NSMCE2: variants seen among roughly 807,000 people sequenced by gnomAD.
The protein encoded by NSMCE2 is NSE2 SUMO ligase component of SMC5/6 complex.
Under a neutral mutation model 23.8 loss-of-function variants are expected in NSMCE2, and 24 were observed. That is an observed-to-expected ratio of 1.01 (90% CI 0.73 to 1.42). NSMCE2 has a LOEUF of 1.42. Ranked by LOEUF, NSMCE2 falls within the 40% of genes most tolerant of loss-of-function variation. NSMCE2 has a pLI of 0.00. For synonymous variants in NSMCE2, 92 were observed against 94.1 expected, an observed-to-expected ratio of 0.98 and a Z score of 0.13; for missense variants, 284 against 296.5, an observed-to-expected ratio of 0.96 and a Z score of 0.31.
intron 5 of NSMCE2, among the ~76,000 whole-genome samples, chr8:125,319,903 G>A (rs756249289): frequency 1.2e-3 from 177 of 152,174 alleles, no homozygotes; most frequent in African/African-American, 3.9e-3. Context: ...CTGGCCAGGC[G>A]TGGTGGCTCA....
At chr8:125,105,131 A>G (rs769204290) in intron 3 of NSMCE2, among the ~76,000 whole-genome samples, 1 of 152,070 alleles carries the variant, frequency 6.6e-6, no homozygotes, top group Non-Finnish European at 1.5e-5. Flanking sequence ...CCTTTGTCCT[A>G]CTGTCCCACA....
intron 4 of NSMCE2, chr8:125,156,145 A>G (rs1183672768): frequency 1.8e-5 from 5 of 273,758 alleles, no homozygotes; most frequent in East Asian, 2.7e-4. Context: ...GGTGACCAGT[A>G]TAGTCTCAGA....
At chr8:125,324,532 A>AC (rs1446385355) in intron 5 of NSMCE2, among the ~76,000 whole-genome samples, 1 of 151,362 alleles carries the variant, frequency 6.6e-6, no homozygotes, top group East Asian at 1.9e-4. Context: ...AAAAAAAAAA[A>AC]AAAAGAGCAT....
At chr8:125,222,631 G>A (rs1824915285) in intron 5 of NSMCE2, among the ~76,000 whole-genome samples, 1 of 152,080 alleles carries the variant, frequency 6.6e-6, no homozygotes, top group African/African-American at 2.4e-5. Context: ...TGGTCTTTAT[G>A]TGCCTGGCTT....
rs1275306735 is a variant in NSMCE2, at chr8:125,105,843, A to T, written c.157+3356A>T. Among the ~76,000 whole-genome samples, 4 of 152,186 alleles carry T rather than the reference A, an allele frequency of 2.6e-5. No individual in the cohort carries two copies. In the East Asian group the frequency reaches 7.7e-4, roughly 29 times the overall value. On this transcript the variant is annotated intron_variant, in intron 3 of 7. Transcript: ENST00000287437. ...TCATTAAGTAATTTTTAAAAGAAAG[A>T]TGTATTTATTTTTTAATATTTGGAT... is the stretch of plus-strand genomic sequence containing the variant.
intron 5 of NSMCE2, among the ~76,000 whole-genome samples, chr8:125,345,304 G>A (rs1218127648): frequency 7.2e-5 from 11 of 152,162 alleles, no homozygotes; most frequent in Non-Finnish European, 1.3e-4. Flanking sequence ...TGACCTACAC[G>A]GTATAATGTG....
At chr8:125,195,640 C>T (rs1168397431) in intron 5 of NSMCE2, among the ~76,000 whole-genome samples, 2 of 152,096 alleles carry the variant, frequency 1.3e-5, no homozygotes, top group Non-Finnish European at 2.9e-5. Context: ...GGGAATATGG[C>T]AGTGAACAAA....
intron 5 of NSMCE2, among the ~76,000 whole-genome samples, chr8:125,315,844 C>T (rs925841310): frequency 1.3e-5 from 2 of 152,018 alleles, no homozygotes; most frequent in East Asian, 1.9e-4. Context: ...ACTCCGTCAC[C>T]CAGGCTGTTG....
intron 5 of NSMCE2, among the ~76,000 whole-genome samples, chr8:125,214,934 C>G (rs1452948472): frequency 6.6e-6 from 1 of 152,138 alleles, no homozygotes; most frequent in Admixed American, 6.6e-5. Flanking sequence ...ACCTCCAGAA[C>G]TTTTTCAGTA....
At chr8:125,274,973 G>A (rs1827386375) in intron 5 of NSMCE2, among the ~76,000 whole-genome samples, 1 of 141,898 alleles carries the variant, frequency 7.0e-6, no homozygotes, top group African/African-American at 2.6e-5. Flanking sequence ...GAGTAGTCTT[G>A]CAATTTTTCA....
intron 5 of NSMCE2, among the ~76,000 whole-genome samples, chr8:125,227,525 T>A (rs1825148623): frequency 1.3e-5 from 2 of 152,152 alleles, no homozygotes; most frequent in African/African-American, 4.8e-5. Flanking sequence ...CATCTTTGTC[T>A]AAGCTATAGC....
intron 5 of NSMCE2, among the ~76,000 whole-genome samples, chr8:125,316,508 T>C (rs1373614588): frequency 6.6e-6 from 1 of 152,268 alleles, no homozygotes. Context: ...TTAGGAACTA[T>C]GTTATGATCA....
intron 4 of NSMCE2, chr8:125,156,277 TA>T (rs572981601): frequency 1.0e-3 from 161 of 157,384 alleles, no homozygotes; most frequent in South Asian, 4.8e-3. Flanking sequence ...TTCAAAAAGA[TA>T]AAAAAAAAAG....
chr8:125,307,467 A>G (rs564947435), intron 5 of NSMCE2, among the ~76,000 whole-genome samples: 3 of 152,344 alleles, frequency 2.0e-5, no homozygotes, highest in East Asian at 1.9e-4. Context: ...TGAGCTGCCA[A>G]TTGGAAGACC....
intron 7 of NSMCE2, among the ~76,000 whole-genome samples, chr8:125,360,410 C>T (rs778592878): frequency 6.6e-6 from 1 of 152,178 alleles, no homozygotes; most frequent in Non-Finnish European, 1.5e-5. Flanking sequence ...AGGCAGGACC[C>T]GCACCTCGCC....
At chr8:125,106,171 A>G (rs1586432974) in intron 3 of NSMCE2, among the ~76,000 whole-genome samples, 1 of 152,358 alleles carries the variant, frequency 6.6e-6, no homozygotes, top group East Asian at 1.9e-4. Flanking sequence ...TAAAGAGGAC[A>G]TAAACAAGTA....
At chr8:125,205,470 T>G (rs541398564) in intron 5 of NSMCE2, among the ~76,000 whole-genome samples, 11 of 152,298 alleles carry the variant, frequency 7.2e-5, no homozygotes, top group Admixed American at 1.3e-4. Context: ...CAGTAAAATG[T>G]TCTGTATCTG....
At chr8:125,200,130 T>A (rs1563715101) in intron 5 of NSMCE2, among the ~76,000 whole-genome samples, 1 of 152,224 alleles carries the variant, frequency 6.6e-6, no homozygotes, top group African/African-American at 2.4e-5. Flanking sequence ...TTTATCCAAT[T>A]TGCCAGTCTG....
At chr8:125,195,746 T>G (rs746800746) in intron 5 of NSMCE2, among the ~76,000 whole-genome samples, 1 of 152,158 alleles carries the variant, frequency 6.6e-6, no homozygotes, top group Non-Finnish European at 1.5e-5. Context: ...TTTATAACTC[T>G]AAAACAAATA....
Sources: allele counts gnomAD v4.1 joint callset (sites outside exome capture counted in the v4.1 genomes callset), GRCh38; gene constraint gnomAD v4.1.1; transcripts MANE v1.5; gene names NCBI Gene and HGNC (gene_info 2026-07-23, HGNC 2026-07-21).